The following SLC38A12 variants were observed in gnomAD, a reference collection of about 807,000 sequenced individuals.
SLC38A12 encodes the protein solute carrier family 38 member 12, also known as putative sodium-coupled neutral amino acid transporter 12.
At chr17:74,813,476 G>A in the SLC38A12 span, among the ~76,000 whole-genome samples, 1 of 151,252 alleles carries the variant, frequency 6.6e-6, no homozygotes, top group Non-Finnish European at 1.5e-5. Context: ...CCTTTCTTGT[G>A]GGTTTTTTGT....
the SLC38A12 span, among the ~76,000 whole-genome samples, chr17:74,778,128 G>C: frequency 1.3e-5 from 2 of 152,332 alleles, no homozygotes; most frequent in Admixed American, 1.3e-4. Flanking sequence ...TCTAATTACA[G>C]TTTGGTGGAC....
the SLC38A12 span, among the ~76,000 whole-genome samples, chr17:74,800,236 G>GATGAGCTGA: frequency 1.3e-5 from 2 of 152,228 alleles, no homozygotes; most frequent in Non-Finnish European, 2.9e-5. Flanking sequence ...TCTCAGCCCT[G>GATGAGCTGA]GAAGCCTGAC....
At chr17:74,808,906 G>A in the SLC38A12 span, among the ~76,000 whole-genome samples, 1 of 152,208 alleles carries the variant, frequency 6.6e-6, no homozygotes, top group South Asian at 2.1e-4. Flanking sequence ...ATCCGGTGCT[G>A]CAGGAGCCCC....
chr17:74,779,792 A>G, the SLC38A12 span, among the ~76,000 whole-genome samples: 2 of 152,178 alleles, frequency 1.3e-5, no homozygotes, highest in South Asian at 4.1e-4. Flanking sequence ...TTAGCTCTCT[A>G]TTGCCCCATT....
At chr17:74,832,861 G>A in the SLC38A12 span, among the ~76,000 whole-genome samples, 4 of 152,354 alleles carry the variant, frequency 2.6e-5, no homozygotes, top group African/African-American at 7.2e-5. Flanking sequence ...TCCAGCCCAC[G>A]AAGGTAGACT....
At chr17:74,838,891 G>C in the SLC38A12 span, 1 of 1,535,362 alleles carries the variant, frequency 6.5e-7, no homozygotes, top group Non-Finnish European at 8.7e-7. Flanking sequence ...TTGCAGATGG[G>C]CCCCCGGGGT....
the SLC38A12 span, among the ~76,000 whole-genome samples, chr17:74,813,833 C>T: frequency 3.3e-5 from 5 of 152,170 alleles, no homozygotes; most frequent in African/African-American, 1.2e-4. Context: ...GGAAGTAGCC[C>T]CTCTGTCTTC....
At chr17:74,785,690 G>A in the SLC38A12 span, 1 of 1,521,364 alleles carries the variant, frequency 6.6e-7, no homozygotes, top group East Asian at 2.3e-5. Context: ...AGGGCACTGA[G>A]GGGGTGGGAA....
chr17:74,782,717 C>A, the SLC38A12 span, among the ~76,000 whole-genome samples: 1 of 152,224 alleles, frequency 6.6e-6, no homozygotes, highest in South Asian at 2.1e-4. Flanking sequence ...CTAGCAGCAC[C>A]ACTCTGAGCC....
the SLC38A12 span, chr17:74,839,033 G>T: frequency 1.6e-5 from 24 of 1,535,738 alleles, no homozygotes; most frequent in Non-Finnish European, 2.0e-5. Flanking sequence ...TGCCCCCGGT[G>T]CAGGCCAGGT....
chr17:74,797,496 C>A, the SLC38A12 span, among the ~76,000 whole-genome samples: 1 of 152,198 alleles, frequency 6.6e-6, no homozygotes, highest in African/African-American at 2.4e-5. Context: ...TCCCCCATAG[C>A]CCAGTCCCCT....
the SLC38A12 span, among the ~76,000 whole-genome samples, chr17:74,794,371 TCAG>T: frequency 3.3e-5 from 5 of 152,002 alleles, no homozygotes; most frequent in African/African-American, 9.6e-5. Context: ...CCATCCAGAG[TCAG>T]CATTGTCCCT....
chr17:74,811,869 CAA>C, the SLC38A12 span, among the ~76,000 whole-genome samples: 9 of 151,200 alleles, frequency 6.0e-5, no homozygotes, highest in African/African-American at 2.2e-4. Flanking sequence ...CCCATCTCTG[CAA>C]AAAAAATAAT....
the SLC38A12 span, chr17:74,785,811 A>G: frequency 2.1e-5 from 12 of 560,014 alleles, no homozygotes; most frequent in African/African-American, 2.1e-4. Context: ...GCGGTTGCAC[A>G]GCCCTGATCA....
the SLC38A12 span, among the ~76,000 whole-genome samples, chr17:74,787,071 C>T: frequency 2.0e-5 from 3 of 152,182 alleles, no homozygotes; most frequent in Non-Finnish European, 4.4e-5. Context: ...AAGGGTAAAT[C>T]CAAAGCCCTT....
chr17:74,838,463 A>C, the SLC38A12 span: 1 of 1,023,722 alleles, frequency 9.8e-7, no homozygotes, highest in Non-Finnish European at 1.2e-6. Context: ...TCATCCTGCC[A>C]CCCGAGGCTC....
the SLC38A12 span, chr17:74,819,693 T>A: frequency 6.5e-7 from 1 of 1,535,204 alleles, no homozygotes; most frequent in Non-Finnish European, 9.0e-7. Flanking sequence ...GTCTTCCGTG[T>A]GCAGACAGTC....
At chr17:74,802,012 T>C in the SLC38A12 span, among the ~76,000 whole-genome samples, 2 of 152,062 alleles carry the variant, frequency 1.3e-5, no homozygotes, top group Non-Finnish European at 2.9e-5. Context: ...CTGCTGCTCC[T>C]GTCTGAGCAC....
At chr17:74,790,811 C>A in the SLC38A12 span, 1 of 580,186 alleles carries the variant, frequency 1.7e-6, no homozygotes, top group Non-Finnish European at 3.0e-6. Context: ...TAAACCATGT[C>A]AAGCAGGAAA....
Sources: gnomAD v4.1 joint callset for allele counts (sites outside exome capture counted in the v4.1 genomes callset) on GRCh38, gnomAD v4.1.1 for gene constraint, MANE v1.5 for transcripts, NCBI Gene and HGNC (gene_info 2026-07-23, HGNC 2026-07-21) for gene names.